The following EPHB2 variants were observed in gnomAD, a reference collection of about 807,000 sequenced individuals.
The protein encoded by EPHB2 is EPH receptor B2.
A neutral mutation model predicts 96.4 loss-of-function variants in EPHB2; 18 were observed. The observed-to-expected ratio is 0.19, with a 90% CI of 0.13 to 0.28. The LOEUF is 0.28. EPHB2 is among the 10% of genes least tolerant of loss of function. The pLI is 1.00. For missense variants in EPHB2, 989 were observed against 1,355.4 expected, an observed-to-expected ratio of 0.73 and a Z score of 4.25; for synonymous variants, 506 against 534.1, an observed-to-expected ratio of 0.95 and a Z score of 0.72.
intron 3 of EPHB2, among the ~76,000 whole-genome samples, chr1:22,826,313 G>A (rs897460197): frequency 1.3e-5 from 2 of 152,206 alleles, no homozygotes; most frequent in Admixed American, 1.3e-4. Context: ...GCATTTCCTT[G>A]TAGTACCAGT....
chr1:22,775,911 C>T (rs1037424722), intron 1 of EPHB2, among the ~76,000 whole-genome samples: 2 of 152,200 alleles, frequency 1.3e-5, no homozygotes, highest in Non-Finnish European at 2.9e-5. Flanking sequence ...GCACTAAGAG[C>T]AGCCAAGGTC....
At chr1:22,864,422 G>A (rs2148526495) in intron 4 of EPHB2, among the ~76,000 whole-genome samples, 2 of 152,274 alleles carry the variant, frequency 1.3e-5, no homozygotes, top group South Asian at 4.1e-4. Flanking sequence ...GCAGAAGCAG[G>A]GAAAGGACAA....
At chr1:22,735,775 G>C (rs1643813871) in intron 1 of EPHB2, among the ~76,000 whole-genome samples, 1 of 152,204 alleles carries the variant, frequency 6.6e-6, no homozygotes. Context: ...ACAGCCTAAT[G>C]ATTCCTATAG....
chr1:22,811,497 A>G (rs1158879987), intron 3 of EPHB2, among the ~76,000 whole-genome samples: 2 of 152,128 alleles, frequency 1.3e-5, no homozygotes, highest in Non-Finnish European at 2.9e-5. Context: ...ATGGGTGGTG[A>G]GATAAGGGGC....
chr1:22,883,972 CCCCA>C (rs138620389), intron 6 of EPHB2, among the ~76,000 whole-genome samples: 1 of 152,142 alleles, frequency 6.6e-6, no homozygotes, highest in Non-Finnish European at 1.5e-5. Flanking sequence ...CCTGCCGTCC[CCCCA>C]CCCACCCACC....
chr1:22,779,885 T>C (rs1341674233), intron 1 of EPHB2, among the ~76,000 whole-genome samples: 1 of 152,162 alleles, frequency 6.6e-6, no homozygotes, highest in Non-Finnish European at 1.5e-5. Context: ...GGCACAGAAT[T>C]GGAGCATGGC....
chr1:22,711,353 C>G (rs1456335570), intron 1 of EPHB2, among the ~76,000 whole-genome samples: 1 of 147,850 alleles, frequency 6.8e-6, no homozygotes, highest in Non-Finnish European at 1.5e-5. Context: ...GCCCCCGGCT[C>G]GGGCAGCCGC....
Position 22,790,085 on chromosome 1 carries a change from G to T in EPHB2, c.811+5009G>T, listed in dbSNP as rs1379896975. Among the ~76,000 whole-genome samples, 2 of 152,188 alleles carry T rather than the reference G, an allele frequency of 1.3e-5. No individual in the cohort carries two copies. Among genetic ancestry groups the T allele is most frequent in the African/African-American group, 2.4e-5 (1 of 41,446 alleles). ...CTTGTATGACTGGGTATCTCAGAAG[G>T]CTTCAAGGAGGGAGTAGCATTTGAA... is the stretch of plus-strand genomic sequence containing the variant. On this transcript the variant is annotated intron_variant, in intron 3 of 15. Transcript: ENST00000374630. This position sits in a 1 kb window ranked among gnomAD's most constrained non-coding sequence, Gnocchi z 4.0.
chr1:22,758,966 G>GGATGGATGGATGGATA (rs1355775422), intron 1 of EPHB2, among the ~76,000 whole-genome samples: 5 of 151,704 alleles, frequency 3.3e-5, no homozygotes, highest in Admixed American at 6.6e-5. Context: ...ATGGATGGAT[G>GGATGGATGGATGGATA]GATGGATGGA....
chr1:22,843,949 T>C (rs2148501235), intron 3 of EPHB2, among the ~76,000 whole-genome samples: 1 of 152,394 alleles, frequency 6.6e-6, no homozygotes, highest in Admixed American at 6.5e-5. Context: ...CTTAGGATAA[T>C]GGCCTCCAGC....
In EPHB2 at chr1:22,784,738, A is replaced by C. The variant is rs1400063025; in HGVS notation, c.473A>C (p.Lys158Thr). 6.2e-7 allele frequency: 1 copy of C among 1,612,872 alleles called. No homozygotes were observed. The highest frequency in any genetic ancestry group is 8.5e-7 in the Non-Finnish European group (1 of 1,179,064). The change falls in exon 3 of 16, where the codon AAA becomes ACA. Residue 158 changes from lysine (K) to threonine (T), a missense_variant. Physicochemically the swap from Lys to Thr is moderately conservative, Grantham distance 78. Coordinates refer to ENST00000374630, the MANE Select transcript of EPHB2 (RefSeq NM_017449.5). This position sits in a 1 kb window ranked among gnomAD's most constrained non-coding sequence, Gnocchi z 5.1. The part of the protein sequence containing the change: ...SQVDLGGRVM[K>T]INTEVRSFGP... The stretch of plus-strand genomic sequence containing the variant: ...GTGGACCTGGGTGGCCGCGTCATGA[A>C]AATCAACACCGAGGTGCGGAGCTTC...
At chr1:22,833,275 T>C (rs1330363198) in intron 3 of EPHB2, among the ~76,000 whole-genome samples, 1 of 152,108 alleles carries the variant, frequency 6.6e-6, no homozygotes, top group Non-Finnish European at 1.5e-5. Flanking sequence ...CACGCCACCA[T>C]GCCTGGCTAA....
chr1:22,840,114 G>C (rs995978182), intron 3 of EPHB2, among the ~76,000 whole-genome samples: 24 of 152,132 alleles, frequency 1.6e-4, no homozygotes, highest in African/African-American at 5.6e-4. Flanking sequence ...GATGGACAGA[G>C]AGATGTCATG....
rs571536644 is a variant in EPHB2, at chr1:22,913,608, C to T, written c.*38C>T. 6.2e-6 allele frequency: 10 copies of T among 1,612,568 alleles called. No homozygotes were observed. Among genetic ancestry groups the T allele is most frequent in the African/African-American group, 5.3e-5 (4 of 75,024 alleles). On this transcript the variant is annotated 3_prime_UTR_variant, in exon 16 of 16. Coordinates refer to ENST00000374630, the MANE Select transcript of EPHB2 (RefSeq NM_017449.5). This position sits in a 1 kb window ranked among gnomAD's most constrained non-coding sequence, Gnocchi z 4.1. ...TCGGCTCACCTCTTCCTCCAAGCCC[C>T]GCCCCCTCTGCCCCACGTGCCGGCC...
At chr1:22,856,839 G>A (rs1418643430) in intron 3 of EPHB2, among the ~76,000 whole-genome samples, 1 of 152,224 alleles carries the variant, frequency 6.6e-6, no homozygotes, top group Non-Finnish European at 1.5e-5. Context: ...TGCTGGATGA[G>A]TAATAATAGC....
At chr1:22,745,649 G>A (rs757191433) in intron 1 of EPHB2, among the ~76,000 whole-genome samples, 4 of 152,094 alleles carry the variant, frequency 2.6e-5, no homozygotes, top group Admixed American at 6.6e-5. Context: ...CTGAGCCTCA[G>A]TTTCCTTTAT....
intron 3 of EPHB2, among the ~76,000 whole-genome samples, chr1:22,855,774 A>G (rs1277225172): frequency 6.6e-6 from 1 of 152,202 alleles, no homozygotes; most frequent in African/African-American, 2.4e-5. Flanking sequence ...CCCAACAAAT[A>G]TAATCAATAT....
intron 1 of EPHB2, among the ~76,000 whole-genome samples, chr1:22,751,781 G>C (rs2148380547): frequency 6.6e-6 from 1 of 152,348 alleles, no homozygotes; most frequent in East Asian, 1.9e-4. Context: ...AGGCGGGAAT[G>C]ATGTCAGCTC....
chr1:22,804,258 A>T (rs1209950815), intron 3 of EPHB2, among the ~76,000 whole-genome samples: 1 of 152,160 alleles, frequency 6.6e-6, no homozygotes, highest in Admixed American at 6.5e-5. Context: ...CCTGCCACAC[A>T]GGAGGTGCTT....
Sources: allele counts gnomAD v4.1 joint callset (sites outside exome capture counted in the v4.1 genomes callset), GRCh38; gene constraint gnomAD v4.1.1; non-coding constraint Gnocchi (gnomAD v3.1); transcripts MANE v1.5; gene names NCBI Gene and HGNC (gene_info 2026-07-23, HGNC 2026-07-21).